The following CERS4 variants were observed in gnomAD, a reference collection of about 807,000 sequenced individuals.
CERS4 encodes ceramide synthase 4.
Under a neutral mutation model 51.8 loss-of-function variants are expected in CERS4, and 65 were observed. That is an observed-to-expected ratio of 1.26 (90% CI 1.03 to 1.54). The LOEUF (loss-of-function observed/expected upper bound fraction) is 1.54. Among genes scored for constraint, CERS4 ranks in the 40% most tolerant of loss-of-function variants. CERS4 has a pLI of 0.00. For synonymous variants in CERS4, 228 were observed against 208.4 expected (o/e 1.09, Z -0.81); for missense variants, 563 against 500.4 (o/e 1.13, Z -1.19).
chr19:8,254,601 G>C lies in CERS4; in HGVS notation c.276G>C (p.Gly92=). The change falls in exon 4 of 12, where the codon GGG becomes GGC. Residue 92 remains glycine, a synonymous_variant. Transcript: ENST00000251363. ...ATLEKHFLTE[G]HRPKEPQLSL... Reference sequence around the variant, plus strand: ...TGGAGAAACACTTCCTCACGGAAGGGCACAGGCCCAAGGAGGTGAGAGCCC... The same window carrying C: ...TGGAGAAACACTTCCTCACGGAAGGCCACAGGCCCAAGGAGGTGAGAGCCC... 3 of 1,609,406 alleles carry C rather than the reference G, an allele frequency of 1.9e-6. No homozygotes were observed. The highest frequency in any genetic ancestry group is 2.5e-6 in the Non-Finnish European group (3 of 1,178,396).
At chr19:8,230,035 T>C (rs763324701) in intron 2 of CERS4, among the ~76,000 whole-genome samples, 2 of 151,954 alleles carry the variant, frequency 1.3e-5, no homozygotes, top group Non-Finnish European at 1.5e-5. Context: ...CTTACAGCCT[T>C]CTTCTGTGTG....
intron 2 of CERS4, among the ~76,000 whole-genome samples, chr19:8,245,611 C>T (rs1421494170): frequency 1.3e-5 from 2 of 151,776 alleles, no homozygotes; most frequent in Non-Finnish European, 2.9e-5. Context: ...ACAATCTTGG[C>T]TCACTGCAGC....
At chr19:8,225,866 C>T (rs775372130) in intron 2 of CERS4, among the ~76,000 whole-genome samples, 5 of 152,064 alleles carry the variant, frequency 3.3e-5, no homozygotes, top group East Asian at 3.9e-4. Flanking sequence ...GTAGGTGATC[C>T]GGCATGTCTC....
chr19:8,256,543 G>A lies in CERS4; in HGVS notation c.520-75G>A, dbSNP rs538481889. The A allele has an allele frequency of 2.9e-6, 4 of 1,368,574 alleles. No homozygotes were observed. The South Asian group carries it at 5.2e-5, about 18-fold the overall frequency. 84.8% of individuals were successfully genotyped at this position (1,368,574 alleles called of 1,614,324 possible). Reference sequence around the variant, plus strand: ...AGTATCCTGGTTTTGAGCAAACGGAGTGGGCCCGGAGCCATACCCCTGCCC... The same window carrying A: ...AGTATCCTGGTTTTGAGCAAACGGAATGGGCCCGGAGCCATACCCCTGCCC... On this transcript the variant is annotated intron_variant, in intron 7 of 11. Transcript: ENST00000251363.
chr19:8,216,814 TGGG>T (rs1307390357), intron 2 of CERS4, among the ~76,000 whole-genome samples: 3 of 151,760 alleles, frequency 2.0e-5, no homozygotes, highest in Non-Finnish European at 2.9e-5. Flanking sequence ...AGGTTGGACT[TGGG>T]GGGCGGATGG....
intron 3 of CERS4, among the ~76,000 whole-genome samples, chr19:8,253,789 C>T (rs975960124): frequency 1.3e-5 from 2 of 151,976 alleles, no homozygotes; most frequent in African/African-American, 4.8e-5. Flanking sequence ...AGTGTTTCAC[C>T]ATATTGGTCA....
At position 8,255,687 on chromosome 19, in the gene CERS4, G is replaced by C; in HGVS notation, c.372G>C (p.Gln124His). 1 of 1,613,152 alleles carries C rather than the reference G, an allele frequency of 6.2e-7. No individual in the cohort carries two copies. Reference protein sequence around the residue: ...TQRWFRRRRNQDRPQLTKKFC... With the variant: ...TQRWFRRRRNHDRPQLTKKFC... ...GATGGTTCCGGAGACGCCGGAACCA[G>C]GATCGACCCCAGCTGACCAAGAAGT... Residue 124 changes from glutamine (Q) to histidine (H), a missense_variant, in exon 5 of 12, where the codon CAG (glutamine) becomes CAC (histidine). Physicochemically the swap from Gln to His is conservative, Grantham distance 24. Transcript: ENST00000251363.
chr19:8,228,980 C>A (rs73493490), intron 2 of CERS4, among the ~76,000 whole-genome samples: 1 of 149,852 alleles, frequency 6.7e-6, no homozygotes, highest in Non-Finnish European at 1.5e-5. Context: ...GCAGAGATTG[C>A]GCCATTGCAC....
At chr19:8,257,811 C>T in intron 9 of CERS4, 68 bp from the exon 10 acceptor site, 1 of 1,236,458 alleles carries the variant, frequency 8.1e-7, no homozygotes, top group Non-Finnish European at 1.2e-6. Flanking sequence ...TGGTCCCATC[C>T]TATAGCACCT....
chr19:8,223,425 C>T (rs1967644987), intron 2 of CERS4, among the ~76,000 whole-genome samples: 1 of 151,292 alleles, frequency 6.6e-6, no homozygotes, highest in Non-Finnish European at 1.5e-5. Flanking sequence ...CAAGACCAGC[C>T]TGACCAACAT....
chr19:8,222,408 A>G (rs1052719430), intron 2 of CERS4, among the ~76,000 whole-genome samples: 32 of 150,704 alleles, frequency 2.1e-4, no homozygotes, highest in African/African-American at 7.3e-4. Flanking sequence ...TGAACTCCTG[A>G]CCTCAGGTGA....
chr19:8,224,278 G>A lies in CERS4; in HGVS notation c.-2+13416G>A, dbSNP rs141601384. The stretch of plus-strand genomic sequence containing the variant: ...AATAATTAGCCGGGTGTGGTGGCAC[G>A]CGCTTGTAATCCCAGCTACTCAGGA... On this transcript the variant is annotated intron_variant, in intron 2 of 11. Transcript: ENST00000251363. Among the ~76,000 whole-genome samples the A allele has an allele frequency of 2.5e-3, 386 of 151,440 alleles. 1 individual carries two copies. The highest frequency in any genetic ancestry group is 8.8e-3 in the African/African-American group (363 of 41,246).
At chr19:8,260,179 A>C (rs1243360998) in intron 10 of CERS4, among the ~76,000 whole-genome samples, 1 of 152,074 alleles carries the variant, frequency 6.6e-6, no homozygotes, top group South Asian at 2.1e-4. Flanking sequence ...ATTGGGGGGT[A>C]GGAGAAACAC....
chr19:8,250,890 C>T (rs530589876), intron 2 of CERS4, 186 bp from the exon 3 acceptor site: 47 of 1,423,968 alleles, frequency 3.3e-5, no homozygotes, highest in Non-Finnish European at 4.2e-5. Context: ...GGTGGCTCTT[C>T]TGGGACCAGA....
intron 4 of CERS4, among the ~76,000 whole-genome samples, chr19:8,255,124 G>A (rs1261803940): frequency 2.0e-5 from 3 of 152,126 alleles, no homozygotes; most frequent in Admixed American, 6.6e-5. Flanking sequence ...CTGTGGAGGC[G>A]TGGCTGCGTC....
At chr19:8,234,393 G>C (rs1298881122) in intron 2 of CERS4, among the ~76,000 whole-genome samples, 1 of 152,060 alleles carries the variant, frequency 6.6e-6, no homozygotes. Flanking sequence ...CAACGCCTGG[G>C]CTCATGCAGT....
chr19:8,255,710 A>T lies in CERS4; in HGVS notation c.395A>T (p.Lys132Met). Residue 132 changes from lysine to methionine, a missense_variant, in exon 5 of 12, where the codon AAG (lysine) becomes ATG (methionine). Transcript: ENST00000251363. Reference protein sequence around the residue: ...RNQDRPQLTKKFCEASWRFLF... With the variant: ...RNQDRPQLTKMFCEASWRFLF... ...CAGGATCGACCCCAGCTGACCAAGA[A>T]GTTCTGTGAGGCCAGGTAAGCCCAG... The T allele has an allele frequency of 4.5e-6, 7 of 1,553,136 alleles. No homozygotes were observed. The highest frequency in any genetic ancestry group is 6.1e-6 in the Non-Finnish European group (7 of 1,147,640).
chr19:8,262,136 G>GC lies in CERS4; in HGVS notation c.*34dup, dbSNP rs377703774. ...CGGGCGGGGCTGGCTGTAAGGGGTT[G>GC]CCCCCCCGCCAGTGCCTTGGATATT... On this transcript the variant is annotated 3_prime_UTR_variant, in exon 12 of 12. Coordinates refer to ENST00000251363, the MANE Select transcript of CERS4 (RefSeq NM_024552.3). 320 of 1,428,332 alleles carry GC rather than the reference G, an allele frequency of 2.2e-4. No individual in the cohort carries two copies. The highest frequency in any genetic ancestry group is 1.2e-3 in the East Asian group (48 of 39,006). The allele number at this position is 1,428,332 out of a possible 1,614,324, so 88.5% of individuals were successfully genotyped here. A position where few individuals can be genotyped will look rare whatever the true frequency, so the allele number is the denominator to read the frequency against.
chr19:8,255,677 G>A lies in CERS4; in HGVS notation c.362G>A (p.Arg121His), dbSNP rs770832638. Residue 121 changes from arginine (R) to histidine (H), a missense_variant, in exon 5 of 12, where the codon CGC becomes CAC. Physicochemically the swap from Arg to His is conservative, Grantham distance 29. Coordinates refer to ENST00000251363, the MANE Select transcript of CERS4 (RefSeq NM_024552.3). Reference protein sequence around the residue: ...LQQTQRWFRRRRNQDRPQLTK... With the variant: ...LQQTQRWFRRHRNQDRPQLTK... The stretch of plus-strand genomic sequence containing the variant: ...CAGACCCAGCGATGGTTCCGGAGAC[G>A]CCGGAACCAGGATCGACCCCAGCTG... 18 of 1,612,850 alleles carry A rather than the reference G, an allele frequency of 1.1e-5. No homozygotes were observed. In the African/African-American group the frequency reaches 2.0e-4, roughly 18 times the overall value.
Sources: gnomAD v4.1 joint callset for allele counts (sites outside exome capture counted in the v4.1 genomes callset) on GRCh38, gnomAD v4.1.1 for gene constraint, MANE v1.5 for transcripts, NCBI Gene and HGNC (gene_info 2026-07-23, HGNC 2026-07-21) for gene names.